The following BICRAL variants were observed in gnomAD, a reference collection of about 807,000 sequenced individuals.
The protein encoded by BICRAL is BICRA like chromatin remodeling complex associated protein, also known as BRD4-interacting chromatin-remodeling complex-associated protein-like.
A neutral mutation model predicts 91.8 loss-of-function variants in BICRAL; 8 were observed. The ratio of observed to expected loss-of-function variants is 0.09; its 90% CI spans 0.05 to 0.16. BICRAL has a LOEUF of 0.16. Ranked by LOEUF, BICRAL falls within the 10% of genes least tolerant of loss-of-function variation. The pLI, the probability that BICRAL is intolerant of heterozygous loss-of-function variation, is 1.00. For missense variants in BICRAL, 1,038 were observed against 1,310.9 expected, an observed-to-expected ratio of 0.79 and a Z score of 3.21; for synonymous variants, 445 against 491.1, an observed-to-expected ratio of 0.91 and a Z score of 1.24.
At chr6:42,801,301 T>C (rs1763565737) in intron 1 of BICRAL, among the ~76,000 whole-genome samples, 1 of 151,314 alleles carries the variant, frequency 6.6e-6, no homozygotes, top group Non-Finnish European at 1.5e-5. Flanking sequence ...ATTTTGTTTA[T>C]AATTACTGAC....
At chr6:42,826,004 A>C (rs541040255) in intron 5 of BICRAL, among the ~76,000 whole-genome samples, 1 of 151,806 alleles carries the variant, frequency 6.6e-6, no homozygotes, top group Admixed American at 6.6e-5. Context: ...GAATTGCTTG[A>C]ACCAGGAAGG....
chr6:42,844,053 C>T (rs1225613803), intron 6 of BICRAL, among the ~76,000 whole-genome samples: 2 of 149,536 alleles, frequency 1.3e-5, no homozygotes, highest in Non-Finnish European at 3.0e-5. Context: ...CCGCCCGCCT[C>T]GGCCTCCTAA....
chr6:42,760,684 G>A (rs1020558813), intron 1 of BICRAL, among the ~76,000 whole-genome samples: 4 of 152,082 alleles, frequency 2.6e-5, no homozygotes, highest in Non-Finnish European at 4.4e-5. Context: ...GGGATTACAG[G>A]CATGAGCCAC....
At chr6:42,855,328 T>G (rs1205731532) in intron 8 of BICRAL, among the ~76,000 whole-genome samples, 1 of 151,926 alleles carries the variant, frequency 6.6e-6, no homozygotes, top group East Asian at 1.9e-4. Flanking sequence ...ATGGCTTGAG[T>G]CCAGGAGTTC....
intron 1 of BICRAL, among the ~76,000 whole-genome samples, chr6:42,770,436 C>T (rs1221913329): frequency 3.0e-5 from 4 of 133,532 alleles, no homozygotes; most frequent in South Asian, 4.7e-4. Context: ...TTTTTTGAGA[C>T]GGAGCCTTGC....
intron 6 of BICRAL, among the ~76,000 whole-genome samples, chr6:42,841,335 T>C (rs1764793179): frequency 6.6e-6 from 1 of 151,522 alleles, no homozygotes; most frequent in African/African-American, 2.4e-5. Context: ...ACTACAGGCG[T>C]GCACCACCAC....
intron 1 of BICRAL, among the ~76,000 whole-genome samples, chr6:42,765,184 A>C (rs1481866942): frequency 6.6e-6 from 1 of 152,222 alleles, no homozygotes; most frequent in African/African-American, 2.4e-5. Flanking sequence ...AGTTGGTAAT[A>C]ATAATGAAAG....
intron 1 of BICRAL, among the ~76,000 whole-genome samples, chr6:42,796,232 G>A (rs1006035539): frequency 2.0e-5 from 3 of 152,186 alleles, no homozygotes; most frequent in Non-Finnish European, 2.9e-5. Flanking sequence ...ATAGGAAGAC[G>A]GGGAGTGCTG....
intron 10 of BICRAL, among the ~76,000 whole-genome samples, chr6:42,858,725 G>A (rs1765463900): frequency 6.6e-6 from 1 of 152,012 alleles, no homozygotes; most frequent in Admixed American, 6.6e-5. Flanking sequence ...GCTGAGGCAG[G>A]AGAATCACTT....
At chr6:42,770,397 TTTA>T (rs1167469084) in intron 1 of BICRAL, among the ~76,000 whole-genome samples, 5,788 of 134,458 alleles carry the variant, frequency 0.043, 135 homozygotes, top group Non-Finnish European at 0.051. Flanking sequence ...CCCGGCTAAT[TTTA>T]TTATTATTAT....
rs70990137 is a variant in BICRAL, at chr6:42,790,523, A to ACC, written c.-102+8431_-102+8432dup. 1.5e-3 allele frequency among the ~76,000 whole-genome samples: 203 copies of ACC among 137,390 alleles called. No homozygotes were observed. In the Middle Eastern group the frequency reaches 0.016, roughly 11 times the overall value. The allele number at this position is 137,390 out of a possible 152,430, so 90.1% of individuals were successfully genotyped here. ...ATAATGTCAAATGGAAGTATGTAGC[A>ACC]CCCCCCCCCCACCTTCTTTTCCCCT... is the stretch of plus-strand genomic sequence containing the variant. On this transcript the variant is annotated intron_variant, in intron 1 of 12. Coordinates refer to ENST00000314073, the MANE Select transcript of BICRAL (RefSeq NM_001393499.1).
rs1235917330 is a variant in BICRAL, at chr6:42,857,793, A to C, written c.2254+557A>C. On this transcript the variant is annotated intron_variant, in intron 10 of 12. Transcript: ENST00000314073. ...TAGTCCTTGCCTTTAGGCCATATGC[A>C]TACCCTGAATTTTTTTTTTTTTTTT... is the stretch of plus-strand genomic sequence containing the variant. Among the ~76,000 whole-genome samples the C allele has an allele frequency of 4.2e-5, 6 of 141,674 alleles. No homozygotes were observed. The East Asian group carries it at 1.2e-3, about 28-fold the overall frequency. 92.9% of individuals were successfully genotyped at this position (141,674 alleles called of 152,430 possible).
chr6:42,755,404 C>A (rs1458210182), intron 1 of BICRAL, among the ~76,000 whole-genome samples: 2 of 152,098 alleles, frequency 1.3e-5, no homozygotes, highest in Non-Finnish European at 2.9e-5. Flanking sequence ...CTCCTGCAGC[C>A]CCTCATGCAT....
At chr6:42,847,273 A>G (rs1351203140) in intron 6 of BICRAL, among the ~76,000 whole-genome samples, 1 of 151,966 alleles carries the variant, frequency 6.6e-6, no homozygotes, top group Non-Finnish European at 1.5e-5. Context: ...CAATGAATAA[A>G]CCTCTCAAAA....
intron 2 of BICRAL, among the ~76,000 whole-genome samples, chr6:42,818,685 ATTACT>A (rs1764060226): frequency 6.6e-6 from 1 of 151,746 alleles, no homozygotes; most frequent in South Asian, 2.1e-4. Context: ...GAGTTATTCT[ATTACT>A]TTAAGGTTCT....
intron 6 of BICRAL, among the ~76,000 whole-genome samples, chr6:42,850,801 G>A (rs547079732): frequency 3.6e-4 from 55 of 152,164 alleles, no homozygotes; most frequent in Non-Finnish European, 5.6e-4. Context: ...CTCGGGAGGC[G>A]GAGGTTGCAG....
At chr6:42,826,936 G>A (rs1428872341) in intron 5 of BICRAL, among the ~76,000 whole-genome samples, 2 of 151,970 alleles carry the variant, frequency 1.3e-5, no homozygotes, top group African/African-American at 2.4e-5. Flanking sequence ...ACAGGCATGC[G>A]CCACCACCCC....
At chr6:42,777,684 G>C (rs903778006), upstream of BICRAL, among the ~76,000 whole-genome samples, 4 of 152,118 alleles carry the variant, frequency 2.6e-5, no homozygotes, top group African/African-American at 9.7e-5. Flanking sequence ...GGGAAAAAAA[G>C]AAAAACACTT....
intron 1 of BICRAL, among the ~76,000 whole-genome samples, chr6:42,809,957 C>A (rs1268194489): frequency 6.6e-6 from 1 of 151,756 alleles, no homozygotes; most frequent in Non-Finnish European, 1.5e-5. Flanking sequence ...TGGTTGAGTT[C>A]TGTATTTTTA....
Sources: gnomAD v4.1 joint callset for allele counts (sites outside exome capture counted in the v4.1 genomes callset) on GRCh38, gnomAD v4.1.1 for gene constraint, MANE v1.5 for transcripts, NCBI Gene and HGNC (gene_info 2026-07-23, HGNC 2026-07-21) for gene names.